Variants in CCDC167 observed in about 807,000 individuals in gnomAD.
CCDC167 encodes coiled-coil domain containing 167.
In CCDC167, 15 loss-of-function variants were observed where a neutral mutation model predicts 12.7. The observed-to-expected ratio is 1.18, with a 90% CI of 0.79 to 1.81. CCDC167 has a LOEUF of 1.81. Ranked by LOEUF, CCDC167 falls within the 40% of genes most tolerant of loss-of-function variation. The pLI, the probability that CCDC167 is intolerant of heterozygous loss-of-function variation, is 0.00. For missense variants in CCDC167, 121 were observed against 120.1 expected (o/e 1.01, Z -0.03); for synonymous variants, 52 against 49.0 (o/e 1.06, Z -0.26).
At chr6:37,498,808 G>C (rs1227066962) in intron 1 of CCDC167, among the ~76,000 whole-genome samples, 1 of 141,842 alleles carries the variant, frequency 7.1e-6, no homozygotes, top group Non-Finnish European at 1.5e-5. Flanking sequence ...CTGGACAACA[G>C]AGCGAGACTC....
intron 1 of CCDC167, among the ~76,000 whole-genome samples, chr6:37,492,497 C>A (rs2113908195): frequency 6.6e-6 from 1 of 152,358 alleles, no homozygotes; most frequent in Non-Finnish European, 1.5e-5. Context: ...CACAAACATC[C>A]CAGGCATTTT....
chr6:37,492,084 T>C (rs995470561), intron 1 of CCDC167, among the ~76,000 whole-genome samples: 5 of 152,186 alleles, frequency 3.3e-5, no homozygotes, highest in Admixed American at 3.3e-4. Context: ...CCCATCTCCA[T>C]CTTACAGAGG....
At chr6:37,484,893 AC>A in intron 2 of CCDC167, 31 bp from the exon 3 acceptor site, 2 of 1,613,736 alleles carry the variant, frequency 1.2e-6, no homozygotes, top group Non-Finnish European at 8.5e-7. Context: ...CATGGACCAA[AC>A]CCTTTTCCTT....
Position 37,483,272 on chromosome 6 carries a change from G to T in CCDC167, c.208C>A (p.Leu70Ile). 6.2e-7 allele frequency: 1 copy of T among 1,613,932 alleles called. No individual in the cohort carries two copies. The highest frequency in any genetic ancestry group is 1.1e-5 in the South Asian group (1 of 91,070). ...ATGTTCTTCCGGTTCTCTTGCCGAAGAAACTTCAGTTCCTTCTCTGGGAGG... is the reference window on the plus strand; with the variant it reads ...ATGTTCTTCCGGTTCTCTTGCCGAATAAACTTCAGTTCCTTCTCTGGGAGG... The part of the protein sequence containing the change: ...ASNYEKELKF[L>I]RQENRKNMLL... The change falls in exon 4 of 4, where the codon CTT becomes ATT. Residue 70 changes from leucine (L) to isoleucine (I), a missense_variant. Leu to Ile is a conservative substitution (Grantham distance 5). Coordinates refer to ENST00000373408, the MANE Select transcript of CCDC167 (RefSeq NM_138493.3).
At chr6:37,499,734 C>T in intron 1 of CCDC167, 88 bp downstream of exon 1, 3 of 1,434,722 alleles carry the variant, frequency 2.1e-6, no homozygotes. Context: ...CTTGGCTCCT[C>T]CTCCTATCTA....
chr6:37,490,882 G>A (rs1455490893), intron 1 of CCDC167, among the ~76,000 whole-genome samples: 1 of 152,164 alleles, frequency 6.6e-6, no homozygotes, highest in Non-Finnish European at 1.5e-5. Context: ...AAGCACCCGG[G>A]CCTGGAGTTC....
intron 1 of CCDC167, 125 bp downstream of exon 1, chr6:37,499,697 C>T: frequency 1.8e-6 from 2 of 1,115,866 alleles, no homozygotes; most frequent in Non-Finnish European, 2.7e-6. Flanking sequence ...TCCCTCTCCC[C>T]AAACCGCGTC....
intron 1 of CCDC167, among the ~76,000 whole-genome samples, chr6:37,496,141 C>T (rs1762096044): frequency 1.3e-5 from 2 of 152,014 alleles, no homozygotes; most frequent in Admixed American, 6.6e-5. Context: ...AGTTTAAAAA[C>T]GTAAAAATCC....
chr6:37,499,792 A>T lies in CCDC167; in HGVS notation c.42+30T>A, dbSNP rs759711634. The T allele has an allele frequency of 1.7e-5, 28 of 1,612,248 alleles. No individual in the cohort carries two copies. The Admixed American group carries it at 2.8e-4, about 16-fold the overall frequency. On this transcript the variant is annotated intron_variant, in intron 1 of 3. Coordinates refer to ENST00000373408, the MANE Select transcript of CCDC167 (RefSeq NM_138493.3). ...CGCGGCCAGGAGAAGGCAACTAACG[A>T]GGTGGCCCAACCCCCACTTTTCCCC...
intron 1 of CCDC167, among the ~76,000 whole-genome samples, chr6:37,499,282 C>T (rs1762136042): frequency 3.3e-5 from 5 of 152,334 alleles, no homozygotes; most frequent in Middle Eastern, 6.8e-3. Flanking sequence ...AGTGACATCA[C>T]CAATTCCAGA....
chr6:37,496,662 G>A lies in CCDC167; in HGVS notation c.42+3160C>T, dbSNP rs142601783. On this transcript the variant is annotated intron_variant, in intron 1 of 3. Transcript: ENST00000373408. ...GCTACCATGTATTGATTACCAATCC[G>A]GTGCCAGGCACGTGCTGGGCACTTA... is the stretch of plus-strand genomic sequence containing the variant. Among the ~76,000 whole-genome samples, 777 of 152,282 alleles carry A rather than the reference G, an allele frequency of 5.1e-3. 6 individuals carry two copies. The highest frequency in any genetic ancestry group is 0.017 in the African/African-American group (695 of 41,556).
chr6:37,485,582 C>T lies in CCDC167; in HGVS notation c.43-388G>A, dbSNP rs1761931969. 3.3e-5 allele frequency among the ~76,000 whole-genome samples: 5 copies of T among 152,256 alleles called. 1 individual carries two copies. The South Asian group carries it at 8.3e-4, about 25-fold the overall frequency. On this transcript the variant is annotated intron_variant, in intron 1 of 3. Coordinates refer to ENST00000373408, the MANE Select transcript of CCDC167 (RefSeq NM_138493.3). ...GGAGCAACCAGAACCCTGAACACGG[C>T]ATGCACCTGCCCCACGGGCGTATCC...
chr6:37,497,942 A>G (rs762372101), intron 1 of CCDC167, among the ~76,000 whole-genome samples: 44 of 152,172 alleles, frequency 2.9e-4, no homozygotes, highest in Non-Finnish European at 5.1e-4. Context: ...ATAGAACACA[A>G]TAAGGACCCT....
intron 1 of CCDC167, among the ~76,000 whole-genome samples, chr6:37,486,298 C>T (rs1217846627): frequency 6.6e-6 from 1 of 152,244 alleles, no homozygotes; most frequent in Non-Finnish European, 1.5e-5. Context: ...GCACCCCTCT[C>T]CTTATCAGTC....
chr6:37,484,943 G>A, intron 2 of CCDC167, 81 bp from the exon 3 acceptor site: 2 of 1,576,068 alleles, frequency 1.3e-6, no homozygotes, highest in South Asian at 1.1e-5. Context: ...CAGTTGGCAG[G>A]GCTTGGGTCT....
intron 1 of CCDC167, 56 bp downstream of exon 1, chr6:37,499,766 C>T (rs1242567879): frequency 6.3e-7 from 1 of 1,580,570 alleles, no homozygotes; most frequent in African/African-American, 1.3e-5. Context: ...ATCCCTTATC[C>T]CGCGGCCAGG....
At chr6:37,498,929 A>C (rs1348960838) in intron 1 of CCDC167, among the ~76,000 whole-genome samples, 3 of 151,976 alleles carry the variant, frequency 2.0e-5, no homozygotes, top group Non-Finnish European at 2.9e-5. Context: ...AAGCCCTGTG[A>C]CTCTATGCAT....
At chr6:37,499,214 G>A (rs1446698414) in intron 1 of CCDC167, among the ~76,000 whole-genome samples, 1 of 152,186 alleles carries the variant, frequency 6.6e-6, no homozygotes, top group South Asian at 2.1e-4. Context: ...CATAGCGGTT[G>A]CTCAGTATGT....
intron 1 of CCDC167, among the ~76,000 whole-genome samples, chr6:37,497,691 CCAAAAATA>C (rs1232547981): frequency 6.6e-6 from 1 of 151,912 alleles, no homozygotes; most frequent in Non-Finnish European, 1.5e-5. Flanking sequence ...CCCGTCTTTA[CCAAAAATA>C]CAAAAATTAG....
Sources: gnomAD v4.1 joint callset for allele counts (sites outside exome capture counted in the v4.1 genomes callset) on GRCh38, gnomAD v4.1.1 for gene constraint, MANE v1.5 for transcripts, NCBI Gene and HGNC (gene_info 2026-07-23, HGNC 2026-07-21) for gene names.